SND1: variants seen among roughly 807,000 people sequenced by gnomAD.
SND1 encodes staphylococcal nuclease domain-containing protein 1.
A neutral mutation model predicts 121.7 loss-of-function variants in SND1; 38 were observed. That is an observed-to-expected ratio of 0.31 (90% CI 0.24 to 0.41). The LOEUF (loss-of-function observed/expected upper bound fraction) is 0.41, where lower values mean the gene tolerates loss of function less well. Among genes scored for constraint, SND1 ranks in the 10% least tolerant of loss-of-function variants. The pLI is 1.00. For synonymous variants in SND1, 401 were observed against 447.4 expected, an observed-to-expected ratio of 0.90 and a Z score of 1.31; for missense variants, 868 against 1,184.6, an observed-to-expected ratio of 0.73 and a Z score of 3.92.
At chr7:128,086,299 C>A (rs1793686798) in intron 20 of SND1, among the ~76,000 whole-genome samples, 1 of 152,236 alleles carries the variant, frequency 6.6e-6, no homozygotes, top group Admixed American at 6.5e-5. Context: ...GGAACAGCAG[C>A]CAGCTGGTGA....
chr7:127,701,716 C>T (rs1003605255), intron 5 of SND1, among the ~76,000 whole-genome samples: 5 of 152,162 alleles, frequency 3.3e-5, no homozygotes, highest in African/African-American at 4.8e-5. Context: ...GACCCTATCC[C>T]GCTCTTCCTC....
chr7:127,885,181 G>C (rs1016044649), intron 12 of SND1, among the ~76,000 whole-genome samples: 1 of 152,108 alleles, frequency 6.6e-6, no homozygotes, highest in African/African-American at 2.4e-5. Flanking sequence ...CATGGCCCCT[G>C]CCCTCACAGT....
At chr7:127,658,336 C>G (rs1415074839) in intron 1 of SND1, among the ~76,000 whole-genome samples, 2 of 152,106 alleles carry the variant, frequency 1.3e-5, no homozygotes, top group African/African-American at 4.8e-5. Context: ...GAATGAGAGA[C>G]TGATAAGAAA....
chr7:127,941,069 G>C (rs921709426), intron 15 of SND1, among the ~76,000 whole-genome samples: 2 of 152,240 alleles, frequency 1.3e-5, no homozygotes, highest in Admixed American at 1.3e-4. Context: ...TGAGGAGCAA[G>C]AACAATCCAC....
intron 16 of SND1, among the ~76,000 whole-genome samples, chr7:128,070,557 G>C (rs1003544656): frequency 6.6e-6 from 1 of 152,198 alleles, no homozygotes; most frequent in Admixed American, 6.5e-5. Context: ...CAAGAGATGA[G>C]TGGCTATGTT....
chr7:127,960,516 G>C (rs1415892842), intron 15 of SND1, among the ~76,000 whole-genome samples: 2 of 152,328 alleles, frequency 1.3e-5, no homozygotes, highest in South Asian at 2.1e-4. Context: ...AAAGGGTGGA[G>C]TGCAGAAGTT....
intron 10 of SND1, among the ~76,000 whole-genome samples, chr7:127,795,986 T>C (rs1242450506): frequency 1.3e-5 from 2 of 152,082 alleles, no homozygotes; most frequent in Non-Finnish European, 2.9e-5. Flanking sequence ...GCCTCCCTAG[T>C]AGCTGGGACT....
chr7:128,060,736 C>A (rs1793217131), intron 16 of SND1, among the ~76,000 whole-genome samples: 1 of 152,184 alleles, frequency 6.6e-6, no homozygotes, highest in African/African-American at 2.4e-5. Context: ...GGCACTGTGG[C>A]AAGAAGTCCA....
chr7:127,673,246 A>G (rs1461944158), intron 1 of SND1, among the ~76,000 whole-genome samples: 3 of 147,946 alleles, frequency 2.0e-5, no homozygotes, highest in Admixed American at 6.8e-5. Flanking sequence ...ATATAACTAT[A>G]TTATATAGTA....
At chr7:127,893,709 ATGTGTATTCTATTTCTTGCCTGGCACAC>A (rs1180230589) in intron 13 of SND1, among the ~76,000 whole-genome samples, 1 of 152,042 alleles carries the variant, frequency 6.6e-6, no homozygotes, top group African/African-American at 2.4e-5. Context: ...TTATCTTTTC[ATGTGTATTCTATTTCTTGCCTGGCACAC>A]TGCAGATTTA....
At chr7:127,918,116 G>A (rs1261561180) in intron 14 of SND1, among the ~76,000 whole-genome samples, 2 of 148,474 alleles carry the variant, frequency 1.3e-5, no homozygotes, top group South Asian at 2.1e-4. Flanking sequence ...AGGCTGGAGT[G>A]CAGTGGCGCA....
At chr7:127,853,121 C>T (rs1206288959) in intron 12 of SND1, among the ~76,000 whole-genome samples, 1 of 152,106 alleles carries the variant, frequency 6.6e-6, no homozygotes, top group East Asian at 1.9e-4. Context: ...AGAGAGGAAG[C>T]AAGCAAATTA....
At chr7:128,083,793 C>T (rs990334199) in intron 18 of SND1, among the ~76,000 whole-genome samples, 12 of 152,116 alleles carry the variant, frequency 7.9e-5, no homozygotes, top group African/African-American at 2.7e-4. Flanking sequence ...GCTTCTGAGA[C>T]GCAAGGGGCA....
chr7:127,751,217 G>A (rs1443883472), intron 10 of SND1, among the ~76,000 whole-genome samples: 1 of 152,076 alleles, frequency 6.6e-6, no homozygotes, highest in Non-Finnish European at 1.5e-5. Context: ...TGGTGTAAAA[G>A]CCTAGCTAGA....
At chr7:127,655,942 C>G (rs999194847) in intron 1 of SND1, among the ~76,000 whole-genome samples, 2 of 152,156 alleles carry the variant, frequency 1.3e-5, no homozygotes, top group Non-Finnish European at 2.9e-5. Context: ...CATATCTTAT[C>G]CTACTTATGG....
chr7:128,032,708 G>A (rs889575274), intron 16 of SND1, among the ~76,000 whole-genome samples: 1 of 152,174 alleles, frequency 6.6e-6, no homozygotes, highest in Admixed American at 6.5e-5. Context: ...GGAACTGCGT[G>A]GTGGGGACTC....
At chr7:127,732,108 C>T in intron 10 of SND1, among the ~76,000 whole-genome samples, 1 of 146,788 alleles carries the variant, frequency 6.8e-6, no homozygotes, top group Non-Finnish European at 1.5e-5. Context: ...CCCTTTTGGC[C>T]AAGCACATTG....
At chr7:127,673,907 T>C (rs1421807285) in intron 1 of SND1, among the ~76,000 whole-genome samples, 1 of 152,152 alleles carries the variant, frequency 6.6e-6, no homozygotes, top group Non-Finnish European at 1.5e-5. Context: ...TATTGTACTT[T>C]CCCTGCCGCA....
chr7:127,698,338 GACTA>G (rs1372908540), intron 3 of SND1, among the ~76,000 whole-genome samples: 1 of 152,114 alleles, frequency 6.6e-6, no homozygotes, highest in African/African-American at 2.4e-5. Context: ...ACGGTGAAGG[GACTA>G]ACTTTTTCTA....
Sources: gnomAD v4.1 joint callset for allele counts (sites outside exome capture counted in the v4.1 genomes callset) on GRCh38, gnomAD v4.1.1 for gene constraint, MANE v1.5 for transcripts, NCBI Gene and HGNC (gene_info 2026-07-23, HGNC 2026-07-21) for gene names.